Variants in DTX1 observed in about 807,000 individuals in gnomAD.
DTX1 encodes deltex E3 ubiquitin ligase 1.
A neutral mutation model predicts 57.8 loss-of-function variants in DTX1; 26 were observed. The observed-to-expected ratio is 0.45, with a 90% confidence interval of 0.33 to 0.62. The LOEUF is 0.62. DTX1 is among the 20% of genes least tolerant of loss of function. DTX1 has a pLI of 0.02. For missense variants in DTX1, 704 were observed against 895.3 expected, an observed-to-expected ratio of 0.79 and a Z score of 2.73; for synonymous variants, 398 against 394.1, an observed-to-expected ratio of 1.01 and a Z score of -0.12.
intron 3 of DTX1, among the ~76,000 whole-genome samples, chr12:113,087,020 G>A (rs960254456): frequency 3.3e-5 from 5 of 151,548 alleles, no homozygotes; most frequent in Non-Finnish European, 7.4e-5. Flanking sequence ...GGAACAGCCG[G>A]TCCTGCCCTC....
chr12:113,077,611 C>T lies in DTX1; in HGVS notation c.447C>T (p.Tyr149=). The T allele has an allele frequency of 6.2e-7, 1 of 1,613,218 alleles. No individual in the cohort carries two copies. Among genetic ancestry groups the T allele is most frequent in the Non-Finnish European group, 8.5e-7 (1 of 1,179,824 alleles). The change falls in exon 3 of 10, where the codon TAC becomes TAT. Residue 149 remains tyrosine, a synonymous_variant. Transcript: ENST00000548759. The surrounding 1 kb of genome is among the most constrained non-coding windows in gnomAD (Gnocchi z 7.8). Reference sequence around the variant, plus strand: ...ACCTCTCATCGCTAGGCTTCTGCTACCTCATCTACTTCAACAGCATGTCGC... The same window carrying T: ...ACCTCTCATCGCTAGGCTTCTGCTATCTCATCTACTTCAACAGCATGTCGC... ...WLDLSSLGFC[Y]LIYFNSMSQM... is the part of the protein sequence containing the mutation.
At position 113,058,217 on chromosome 12, in the gene DTX1, C is replaced by T. The variant is rs2044642761; in HGVS notation, c.25C>T (p.Leu9=). The change falls in exon 2 of 10, where the codon CTG becomes TTG. Residue 9 remains leucine (L), a synonymous_variant. Coordinates refer to ENST00000548759, the MANE Select transcript of DTX1 (RefSeq NM_004416.3). The stretch of plus-strand genomic sequence containing the variant: ...CATGTCACGGCCAGGCCACGGTGGG[C>T]TGATGCCTGTGAATGGTCTGGGCTT... MSRPGHGG[L]MPVNGLGFPP... 6.2e-7 allele frequency: 1 copy of T among 1,611,300 alleles called. No individual in the cohort carries two copies. The highest frequency in any genetic ancestry group is 8.5e-7 in the Non-Finnish European group (1 of 1,179,190).
intron 3 of DTX1, among the ~76,000 whole-genome samples, chr12:113,090,217 C>T (rs1330112925): frequency 6.6e-6 from 1 of 152,148 alleles, no homozygotes; most frequent in Non-Finnish European, 1.5e-5. Flanking sequence ...GTTGTCTGCA[C>T]TAGAGGTGCT....
At chr12:113,085,310 A>T (rs1430800978) in intron 3 of DTX1, among the ~76,000 whole-genome samples, 2 of 152,140 alleles carry the variant, frequency 1.3e-5, no homozygotes, top group Non-Finnish European at 2.9e-5. Flanking sequence ...TTAGCCTCCC[A>T]AAGTGCTGGG....
intron 2 of DTX1, among the ~76,000 whole-genome samples, chr12:113,067,925 G>C (rs57447229): frequency 0.023 from 3,443 of 152,128 alleles, 113 homozygotes; most frequent in African/African-American, 0.076. Flanking sequence ...TGTGATCCCA[G>C]CTACTCAGGA....
chr12:113,057,172 G>A (rs2136419591), intron 1 of DTX1, among the ~76,000 whole-genome samples: 1 of 152,130 alleles, frequency 6.6e-6, no homozygotes, highest in South Asian at 2.1e-4. Flanking sequence ...AGCGCACCCG[G>A]CATCCCCCCG....
At chr12:113,084,631 C>T (rs951852090) in intron 3 of DTX1, among the ~76,000 whole-genome samples, 1 of 152,180 alleles carries the variant, frequency 6.6e-6, no homozygotes, top group Non-Finnish European at 1.5e-5. Context: ...GTGATCCTCT[C>T]GCCTTGGCCT....
At position 113,095,209 on chromosome 12, in the gene DTX1, C is replaced by T; in HGVS notation, c.1548+6C>T. 1 of 1,604,440 alleles carries T rather than the reference C, an allele frequency of 6.2e-7. No individual in the cohort carries two copies. Among genetic ancestry groups the T allele is most frequent in the Non-Finnish European group, 8.5e-7 (1 of 1,172,488 alleles). On this transcript the variant is annotated splice_donor_region_variant and intron_variant, in intron 8 of 9. Transcript: ENST00000548759. ...ACATCCCCACAGGCATCCAGGTGGGCTCCCCTTCCGCCTCTCTGGCCCCCA... is the reference window on the plus strand; with the variant it reads ...ACATCCCCACAGGCATCCAGGTGGGTTCCCCTTCCGCCTCTCTGGCCCCCA...
At chr12:113,063,875 C>T (rs1284015023) in intron 2 of DTX1, among the ~76,000 whole-genome samples, 6 of 152,230 alleles carry the variant, frequency 3.9e-5, no homozygotes, top group Non-Finnish European at 8.8e-5. Flanking sequence ...CAGAATTAGA[C>T]ACCAACTGGG....
chr12:113,095,352 A>G lies in DTX1; in HGVS notation c.1576A>G (p.Lys526Glu). Reference sequence around the variant, plus strand: ...CCCTGAGCACCCCAACCCCGGGAAGAAGTTCACCGCAAGAGGATTCCCTCG... The same window carrying G: ...CCCTGAGCACCCCAACCCCGGGAAGGAGTTCACCGCAAGAGGATTCCCTCG... The part of the protein sequence containing the change: ...QGPEHPNPGK[K>E]FTARGFPRHC... The change falls in exon 9 of 10, where the codon AAG becomes GAG. Residue 526 changes from lysine (K) to glutamate (E), a missense_variant. By Grantham distance (56) the Lys-to-Glu change is moderately conservative. This residue lies in a region of DTX1 where 168 missense variants were observed against 255.6 expected (regional missense o/e 0.66). Transcript: ENST00000548759. 1 of 1,614,196 alleles carries G rather than the reference A, an allele frequency of 6.2e-7. No individual in the cohort carries two copies. Among genetic ancestry groups the G allele is most frequent in the Non-Finnish European group, 8.5e-7 (1 of 1,180,030 alleles).
In DTX1 at chr12:113,093,609, G is replaced by A. The variant is rs752819127; in HGVS notation, c.1074G>A (p.Leu358=). ...VCLTRAPKPI[L]HPPPVSKSDV... ...TGACGCGGGCCCCCAAGCCCATCCT[G>A]CACCCGCCGCCCGTGAGCAAGAGCG... Residue 358 remains leucine (L), a synonymous_variant, in exon 5 of 10, where the codon CTG becomes CTA. Transcript: ENST00000548759. The surrounding 1 kb of genome is among the most constrained non-coding windows in gnomAD (Gnocchi z 4.2). 1.9e-6 allele frequency: 3 copies of A among 1,612,756 alleles called. No individual in the cohort carries two copies. In the South Asian group the frequency reaches 3.3e-5, roughly 18 times the overall value.
At chr12:113,084,225 T>C (rs2044839007) in intron 3 of DTX1, among the ~76,000 whole-genome samples, 1 of 152,230 alleles carries the variant, frequency 6.6e-6, no homozygotes, top group Non-Finnish European at 1.5e-5. Flanking sequence ...AGATCCGCCC[T>C]GTCCCCTGAG....
chr12:113,093,364 A>C lies in DTX1; in HGVS notation c.1003+141A>C. The C allele has an allele frequency of 7.5e-7, 1 of 1,327,156 alleles. No homozygotes were observed. Among genetic ancestry groups the C allele is most frequent in the South Asian group, 1.5e-5 (1 of 66,388 alleles). The allele number at this position is 1,327,156 out of a possible 1,614,324, so 82.2% of individuals were successfully genotyped here. The stretch of plus-strand genomic sequence containing the variant: ...CCCCCTTCCACTGGGCCCAGGACAC[A>C]GGGCGGGCGTGGCCCGCAGAAAGGC... On this transcript the variant is annotated intron_variant, in intron 4 of 9. Coordinates refer to ENST00000548759, the MANE Select transcript of DTX1 (RefSeq NM_004416.3). The surrounding 1 kb of genome is among the most constrained non-coding windows in gnomAD (Gnocchi z 4.2).
chr12:113,058,425 C>T lies in DTX1; in HGVS notation c.233C>T (p.Ser78Phe). ...GTGCCCTACATCATCGACCTGCAGTCCATGCACCAGTTTCGCCAGGACACA... is the reference window on the plus strand; with the variant it reads ...GTGCCCTACATCATCGACCTGCAGTTCATGCACCAGTTTCGCCAGGACACA... ...QLVPYIIDLQ[S>F]MHQFRQDTGT... The change falls in exon 2 of 10, where the codon TCC (serine) becomes TTC (phenylalanine). Residue 78 changes from serine (S) to phenylalanine (F), a missense_variant. Coordinates refer to ENST00000548759, the MANE Select transcript of DTX1 (RefSeq NM_004416.3). 6.2e-7 allele frequency: 1 copy of T among 1,604,844 alleles called. No individual in the cohort carries two copies. The highest frequency in any genetic ancestry group is 8.5e-7 in the Non-Finnish European group (1 of 1,179,646).
rs553815205 is a variant in DTX1 at position 113,074,239 on chromosome 12, A to G, written c.260-3185A>G. Among the ~76,000 whole-genome samples the G allele has an allele frequency of 1.1e-3, 175 of 152,330 alleles. 1 individual carries two copies. The highest frequency in any genetic ancestry group is 4.0e-3 in the African/African-American group (167 of 41,564). On this transcript the variant is annotated intron_variant, in intron 2 of 9. Transcript: ENST00000548759. ...GAAAGACTCTCTCTCATATATATAT[A>G]TAGTCAGTCAGGTAATGCCAAGTGC... is the stretch of plus-strand genomic sequence containing the variant.
At chr12:113,082,711 T>G (rs1212386028) in intron 3 of DTX1, among the ~76,000 whole-genome samples, 5 of 152,182 alleles carry the variant, frequency 3.3e-5, no homozygotes, top group Non-Finnish European at 5.9e-5. Context: ...TCCTCCTGAT[T>G]CAGCCTCCCA....
chr12:113,087,847 G>A (rs117611588), intron 3 of DTX1, among the ~76,000 whole-genome samples: 3,083 of 152,246 alleles, frequency 0.02, 53 homozygotes, highest in Non-Finnish European at 0.032. Context: ...ACCAGACTTT[G>A]GAGGAGGGAG....
At chr12:113,061,470 C>T (rs1030921000) in intron 2 of DTX1, among the ~76,000 whole-genome samples, 5 of 152,222 alleles carry the variant, frequency 3.3e-5, no homozygotes, top group African/African-American at 1.2e-4. Context: ...AGAGCCTCAA[C>T]CGGCAGGGAG....
intron 3 of DTX1, among the ~76,000 whole-genome samples, chr12:113,086,828 C>A (rs1001208649): frequency 6.8e-6 from 1 of 147,032 alleles, no homozygotes; most frequent in South Asian, 2.2e-4. Flanking sequence ...TGCCCACCCT[C>A]CCCCACTTTT....
Sources: allele counts gnomAD v4.1 joint callset (sites outside exome capture counted in the v4.1 genomes callset), GRCh38; gene constraint gnomAD v4.1.1; regional missense constraint gnomAD v4.1.1; non-coding constraint Gnocchi (gnomAD v3.1); transcripts MANE v1.5; gene names NCBI Gene and HGNC (gene_info 2026-07-23, HGNC 2026-07-21).